The following AGBL1 variants were observed in gnomAD, a reference collection of about 807,000 sequenced individuals.
AGBL1 encodes the protein AGBL carboxypeptidase 1, also known as cytosolic carboxypeptidase 4.
Under a neutral mutation model 118.9 loss-of-function variants are expected in AGBL1, and 130 were observed. The observed-to-expected ratio is 1.09, with a 90% CI of 0.95 to 1.26. The LOEUF (loss-of-function observed/expected upper bound fraction) is 1.26. Ranked by LOEUF, AGBL1 falls within the 50% of genes most tolerant of loss-of-function variation. AGBL1 has a pLI of 0.00. For synonymous variants in AGBL1, 555 were observed against 478.9 expected, an observed-to-expected ratio of 1.16 and a Z score of -2.08; for missense variants, 1,584 against 1,298.1, an observed-to-expected ratio of 1.22 and a Z score of -3.38.
chr15:86,668,951 T>G (rs1217245465), intron 21 of AGBL1, among the ~76,000 whole-genome samples: 2 of 152,294 alleles, frequency 1.3e-5, no homozygotes, highest in Non-Finnish European at 2.9e-5. Flanking sequence ...ACAATTCAAA[T>G]GTACCTGTAG....
intron 18 of AGBL1, among the ~76,000 whole-genome samples, chr15:86,410,809 T>TAG (rs1466682485): frequency 8.7e-5 from 2 of 23,008 alleles, no homozygotes; most frequent in Non-Finnish European, 1.6e-4. Flanking sequence ...CAAATGTAGA[T>TAG]ATATATATAT....
intron 22 of AGBL1, among the ~76,000 whole-genome samples, chr15:86,840,597 T>C (rs1418332490): frequency 6.6e-6 from 1 of 152,038 alleles, no homozygotes; most frequent in Non-Finnish European, 1.5e-5. Context: ...AGGCGTGTAC[T>C]ACCATGCCAA....
intron 17 of AGBL1, among the ~76,000 whole-genome samples, chr15:86,336,575 G>A (rs926909917): frequency 2.0e-5 from 3 of 152,166 alleles, no homozygotes; most frequent in African/African-American, 7.2e-5. Flanking sequence ...TATCCAGAGG[G>A]CTGGCATCAG....
At chr15:86,439,312 G>A (rs1012044107) in intron 18 of AGBL1, among the ~76,000 whole-genome samples, 4 of 152,018 alleles carry the variant, frequency 2.6e-5, no homozygotes, top group Admixed American at 2.0e-4. Context: ...AACTCCAGCC[G>A]GTATAATTAC....
intron 16 of AGBL1, 150 bp from the exon 17 acceptor site, chr15:86,295,105 C>G: frequency 1.2e-6 from 1 of 834,692 alleles, no homozygotes; most frequent in South Asian, 1.7e-5. Flanking sequence ...GTAGAAATAG[C>G]CCCCTTTTAA....
intron 1 of AGBL1, among the ~76,000 whole-genome samples, chr15:86,127,101 C>T (rs1011829566): frequency 5.3e-5 from 8 of 152,152 alleles, no homozygotes; most frequent in African/African-American, 1.9e-4. Flanking sequence ...GTAATCTGGC[C>T]TTCAAACAAG....
intron 19 of AGBL1, 51 bp downstream of exon 19, chr15:86,522,990 C>T: frequency 6.4e-7 from 1 of 1,570,562 alleles, no homozygotes; most frequent in South Asian, 1.1e-5. Flanking sequence ...CTTCTACCTT[C>T]CAGGAAGCAG....
chr15:86,572,818 C>T (rs984366652), intron 21 of AGBL1, among the ~76,000 whole-genome samples: 1 of 152,238 alleles, frequency 6.6e-6, no homozygotes, highest in Admixed American at 6.5e-5. Context: ...ATCAGTGTGG[C>T]ACTGCTGCCT....
intron 22 of AGBL1, among the ~76,000 whole-genome samples, chr15:86,846,505 C>G (rs1431855225): frequency 6.6e-6 from 1 of 151,994 alleles, no homozygotes; most frequent in East Asian, 1.9e-4. Flanking sequence ...TACTTTTAAT[C>G]AAATTTGGGT....
chr15:86,162,899 C>T (rs1380955405), intron 5 of AGBL1, among the ~76,000 whole-genome samples: 1 of 152,196 alleles, frequency 6.6e-6, no homozygotes. Flanking sequence ...AGTCTCCAGA[C>T]TTCACTGGAT....
Position 86,473,788 on chromosome 15 carries a change from C to T in AGBL1, c.2556-49022C>T, listed in dbSNP as rs74250502. Among the ~76,000 whole-genome samples the T allele has an allele frequency of 2.3e-3, 357 of 152,206 alleles. 11 individuals are homozygous for T. The East Asian group carries it at 0.056, about 24-fold the overall frequency. Reference sequence around the variant, plus strand: ...CCTTCTAGTGTTGCACTGTTGCCAACGTTTGCCTATATCATTGATTATTAA... The same window carrying T: ...CCTTCTAGTGTTGCACTGTTGCCAATGTTTGCCTATATCATTGATTATTAA... On this transcript the variant is annotated intron_variant, in intron 18 of 22. Coordinates refer to ENST00000614907, the MANE Select transcript of AGBL1 (RefSeq NM_001386094.1).
chr15:86,644,851 C>CA (rs11434077), intron 21 of AGBL1, among the ~76,000 whole-genome samples: 44,452 of 99,640 alleles, frequency 0.45, 9,715 homozygotes, highest in Middle Eastern at 0.57. Context: ...ACTAAAAATA[C>CA]AAAAAAAAAA....
In AGBL1 at chr15:86,788,150, G is replaced by C. The variant is rs1178364917; in HGVS notation, c.3158+113714G>C. On this transcript the variant is annotated intron_variant, in intron 22 of 22. Coordinates refer to ENST00000614907, the MANE Select transcript of AGBL1 (RefSeq NM_001386094.1). ...GAAGTTGATGGAGTTTGAGGTAGTG[G>C]CTCTGCACGGTGCCCACTGAGGCCA... 2.0e-5 allele frequency among the ~76,000 whole-genome samples: 3 copies of C among 152,286 alleles called. No homozygotes were observed. The East Asian group carries it at 5.8e-4, about 29-fold the overall frequency.
rs539100596 is a variant in AGBL1 at position 86,721,930 on chromosome 15, C to T, written c.3158+47494C>T. ...AATTGCTTCAAAGAGAATAAAATAC[C>T]TAGGAATCCAACTTACAAGGGATGT... On this transcript the variant is annotated intron_variant, in intron 22 of 22. Transcript: ENST00000614907. Among the ~76,000 whole-genome samples the T allele has an allele frequency of 7.4e-3, 1,123 of 152,156 alleles. 12 individuals are homozygous for T. The highest frequency in any genetic ancestry group is 0.025 in the African/African-American group (1,036 of 41,518).
intron 22 of AGBL1, among the ~76,000 whole-genome samples, chr15:86,883,988 A>G (rs150849577): frequency 2.9e-3 from 435 of 152,230 alleles, no homozygotes; most frequent in African/African-American, 9.8e-3. Flanking sequence ...CTCTATATAT[A>G]CTATGCACTA....
intron 1 of AGBL1, among the ~76,000 whole-genome samples, chr15:86,133,398 A>G (rs1353599786): frequency 6.6e-6 from 1 of 152,176 alleles, no homozygotes; most frequent in African/African-American, 2.4e-5. Flanking sequence ...CACATCAAAT[A>G]ACTCTATTTT....
intron 21 of AGBL1, among the ~76,000 whole-genome samples, chr15:86,557,027 A>G (rs1192361885): frequency 6.6e-6 from 1 of 152,236 alleles, no homozygotes; most frequent in African/African-American, 2.4e-5. Flanking sequence ...AATGATTATT[A>G]ATACGATATT....
At chr15:86,495,320 C>A (rs62015269) in intron 18 of AGBL1, among the ~76,000 whole-genome samples, 1 of 150,642 alleles carries the variant, frequency 6.6e-6, no homozygotes, top group South Asian at 2.1e-4. Context: ...CAAAACGAAA[C>A]TCTAATGTCG....
chr15:86,493,245 T>C (rs2082806528), intron 18 of AGBL1, among the ~76,000 whole-genome samples: 1 of 150,812 alleles, frequency 6.6e-6, no homozygotes, highest in South Asian at 2.1e-4. Context: ...ATTCAGGAGG[T>C]AAAGAGAGAC....
Sources: gnomAD v4.1 joint callset for allele counts (sites outside exome capture counted in the v4.1 genomes callset) on GRCh38, gnomAD v4.1.1 for gene constraint, MANE v1.5 for transcripts, NCBI Gene and HGNC (gene_info 2026-07-23, HGNC 2026-07-21) for gene names.